The following PCDHA2 variants were observed in gnomAD, a reference collection of about 807,000 sequenced individuals.
PCDHA2 encodes protocadherin alpha-2.
In PCDHA2, 58 loss-of-function variants were observed where a neutral mutation model predicts 66.0. The ratio of observed to expected loss-of-function variants is 0.88; its 90% confidence interval spans 0.71 to 1.09. PCDHA2 has a LOEUF of 1.09. PCDHA2 is among the 50% of genes least tolerant of loss of function. PCDHA2 has a pLI of 0.00. For synonymous variants in PCDHA2, 634 were observed against 554.0 expected, an observed-to-expected ratio of 1.14 and a Z score of -2.03; for missense variants, 1,267 against 1,242.3, an observed-to-expected ratio of 1.02 and a Z score of -0.30.
intron 1 of PCDHA2, among the ~76,000 whole-genome samples, chr5:140,954,414 G>A (rs1322356989): frequency 1.3e-5 from 2 of 152,010 alleles, no homozygotes; most frequent in Non-Finnish European, 2.9e-5. Flanking sequence ...GGGTAAAGGT[G>A]TTCCTTTTTC....
In PCDHA2 at chr5:140,857,002, T is replaced by G. The variant is rs1215860604; in HGVS notation, c.2388+59650T>G. On this transcript the variant is annotated intron_variant, in intron 1 of 3. Transcript: ENST00000526136. ...AGGACAGTAACACTTATGAAATTCATGTAGATGTTACAGATAAGGGAAACC... is the reference window on the plus strand; with the variant it reads ...AGGACAGTAACACTTATGAAATTCAGGTAGATGTTACAGATAAGGGAAACC... 4 of 1,595,276 alleles carry G rather than the reference T, an allele frequency of 2.5e-6. No individual in the cohort carries two copies. In the African/African-American group the frequency reaches 5.4e-5, roughly 22 times the overall value.
At chr5:140,896,811 T>G (rs2065758053) in intron 1 of PCDHA2, among the ~76,000 whole-genome samples, 1 of 152,266 alleles carries the variant, frequency 6.6e-6, no homozygotes, top group African/African-American at 2.4e-5. Flanking sequence ...GGTTGTCTGT[T>G]TACTCTGTTC....
chr5:140,998,893 C>T (rs144409989), intron 3 of PCDHA2, among the ~76,000 whole-genome samples: 1 of 152,306 alleles, frequency 6.6e-6, no homozygotes, highest in African/African-American at 2.4e-5. Flanking sequence ...GAATAAATAA[C>T]AATGCCTCCG....
At chr5:140,874,926 A>C (rs1282020251) in intron 1 of PCDHA2, among the ~76,000 whole-genome samples, 1 of 152,228 alleles carries the variant, frequency 6.6e-6, no homozygotes, top group Non-Finnish European at 1.5e-5. Flanking sequence ...GTGAAGGTTA[A>C]AAGTTATTGA....
At position 141,009,800 on chromosome 5, in the gene PCDHA2, A is replaced by G. The variant is rs148436868; in HGVS notation, c.2710A>G (p.Ser904Gly). The stretch of plus-strand genomic sequence containing the variant: ...CTCCATCCGGCAGGAGCCTACTAAC[A>G]GCCAAATTGACAAAAGTGACTTCAT... ...IISIRQEPTN[S>G]QIDKSDFITF... The change falls in exon 4 of 4, where the codon AGC (serine) becomes GGC (glycine). Residue 904 changes from serine to glycine, a missense_variant. By Grantham distance (56) the Ser-to-Gly change is moderately conservative (BLOSUM62 0). Coordinates refer to ENST00000526136, the MANE Select transcript of PCDHA2 (RefSeq NM_018905.3). 1.2e-4 allele frequency: 190 copies of G among 1,614,158 alleles called. No individual in the cohort carries two copies. In the African/African-American group the frequency reaches 2.3e-3, roughly 19 times the overall value.
chr5:140,898,161 T>G (rs1208656854), intron 1 of PCDHA2, among the ~76,000 whole-genome samples: 1 of 152,216 alleles, frequency 6.6e-6, no homozygotes, highest in Non-Finnish European at 1.5e-5. Context: ...CTGATGGTGG[T>G]TTCTTTTGCT....
Position 140,835,250 on chromosome 5 carries a change from A to G in PCDHA2, c.2388+37898A>G, listed in dbSNP as rs1313960035. 30 of 1,605,300 alleles carry G rather than the reference A, an allele frequency of 1.9e-5. No individual in the cohort carries two copies. In the African/African-American group the frequency reaches 3.1e-4, roughly 17 times the overall value. ...TCTCCAGTGATGTTTCTCCAGATAT[A>G]AAATCCAAGTTCCACATGGACCCCT... On this transcript the variant is annotated intron_variant, in intron 1 of 3. Transcript: ENST00000526136.
intron 1 of PCDHA2, chr5:140,831,275 T>C (rs2150193117): frequency 5.3e-5 from 8 of 152,198 alleles, no homozygotes; most frequent in Admixed American, 1.3e-4. Flanking sequence ...CACTTGATGG[T>C]CTTCTCTTCA....
At chr5:140,836,109 G>T (rs2150253080) in intron 1 of PCDHA2, 6 of 1,613,610 alleles carry the variant, frequency 3.7e-6, no homozygotes, top group Non-Finnish European at 5.1e-6. Context: ...CACTGGTGGC[G>T]CAGTGAGAGA....
chr5:140,801,912 G>C (rs782723863), intron 1 of PCDHA2: 2 of 1,614,166 alleles, frequency 1.2e-6, no homozygotes, highest in South Asian at 2.2e-5. Flanking sequence ...AAACGACAAC[G>C]CCCCAGCGTT....
At chr5:140,829,843 A>C in intron 1 of PCDHA2, 1 of 1,613,926 alleles carries the variant, frequency 6.2e-7, no homozygotes, top group Non-Finnish European at 8.5e-7. Flanking sequence ...TGCCGCGGTC[A>C]CTGGGTGCAG....
At chr5:140,906,502 C>G (rs182726471) in intron 1 of PCDHA2, among the ~76,000 whole-genome samples, 2 of 152,298 alleles carry the variant, frequency 1.3e-5, no homozygotes, top group African/African-American at 4.8e-5. Context: ...ATGTTTTTAA[C>G]AAAGAAGGAG....
At chr5:140,802,463 G>A (rs781868454) in intron 1 of PCDHA2, 2 of 1,614,210 alleles carry the variant, frequency 1.2e-6, no homozygotes, top group African/African-American at 1.3e-5. Flanking sequence ...CGGCCTATGA[G>A]CTGGTGGTGA....
chr5:140,869,779 G>A (rs1554163444), intron 1 of PCDHA2: 4 of 1,612,766 alleles, frequency 2.5e-6, no homozygotes, highest in Non-Finnish European at 3.4e-6. Flanking sequence ...TACTGGCACC[G>A]TTCGGCTGTT....
At position 140,863,735 on chromosome 5, in the gene PCDHA2, C is replaced by T. The variant is rs189909313; in HGVS notation, c.2388+66383C>T. On this transcript the variant is annotated intron_variant, in intron 1 of 3. Transcript: ENST00000526136. ...TGGGGCCGGGTGCGGTAGCTCATGC[C>T]TATTTGTAATCCCGGCACTTTGGGA... The T allele has an allele frequency of 4.8e-3, 1,219 of 255,524 alleles. 5 individuals are homozygous for T. Among genetic ancestry groups the T allele is most frequent in the Non-Finnish European group, 6.2e-3 (808 of 129,746 alleles). The allele number at this position is 255,524 out of a possible 1,614,324, so 15.8% of individuals were successfully genotyped here. A position where few individuals can be genotyped will look rare whatever the true frequency, so the allele number is the denominator to read the frequency against.
intron 1 of PCDHA2, chr5:140,928,771 A>C: frequency 6.2e-7 from 1 of 1,613,998 alleles, no homozygotes; most frequent in Non-Finnish European, 8.5e-7. Context: ...AGTTCTTCCC[A>C]CTGATGCAGT....
At chr5:140,836,777 C>T (rs2150269784) in intron 1 of PCDHA2, 2 of 1,480,486 alleles carry the variant, frequency 1.4e-6, no homozygotes, top group Non-Finnish European at 1.8e-6. Context: ...AATTTTAAAA[C>T]AATTAGTTCA....
At chr5:140,979,178 G>C (rs782006168) in intron 2 of PCDHA2, 171 bp downstream of exon 2, 32 of 944,022 alleles carry the variant, frequency 3.4e-5, no homozygotes, top group Non-Finnish European at 4.0e-5. Flanking sequence ...GATCGCAAAT[G>C]GTCAGTGCCA....
At chr5:140,958,703 C>T (rs1302459806) in intron 1 of PCDHA2, among the ~76,000 whole-genome samples, 3 of 152,112 alleles carry the variant, frequency 2.0e-5, no homozygotes, top group Non-Finnish European at 4.4e-5. Flanking sequence ...AGAGTGACAA[C>T]TCTGTTATAA....
Sources: gnomAD v4.1 joint callset for allele counts (sites outside exome capture counted in the v4.1 genomes callset) on GRCh38, gnomAD v4.1.1 for gene constraint, MANE v1.5 for transcripts, NCBI Gene and HGNC (gene_info 2026-07-23, HGNC 2026-07-21) for gene names.